The following MICAL2 variants were observed in gnomAD, a reference collection of about 807,000 sequenced individuals.
MICAL2 encodes [F-actin]-monooxygenase MICAL2.
MICAL2 carries 77 observed loss-of-function variants against 127.3 expected under a neutral mutation model. That is an observed-to-expected ratio of 0.60 (90% CI 0.50 to 0.73). The LOEUF (loss-of-function observed/expected upper bound fraction) is 0.73. Ranked by LOEUF, MICAL2 falls within the 30% of genes least tolerant of loss-of-function variation. The probability of loss-of-function intolerance (pLI) is 0.00; values close to 1 mark genes in which losing one functional copy is unlikely to be tolerated. For missense variants in MICAL2, 1,351 were observed against 1,434.4 expected (o/e 0.94, Z 0.94); for synonymous variants, 570 against 551.1 (o/e 1.03, Z -0.48).
intron 7 of MICAL2, among the ~76,000 whole-genome samples, chr11:12,214,147 G>A (rs1250559253): frequency 6.6e-6 from 1 of 152,120 alleles, no homozygotes; most frequent in Non-Finnish European, 1.5e-5. Flanking sequence ...AATAGGGACG[G>A]CAGAGAAAAA....
intron 2 of MICAL2, among the ~76,000 whole-genome samples, chr11:12,286,689 T>G (rs1203856897): frequency 1.3e-5 from 2 of 151,996 alleles, no homozygotes; most frequent in Non-Finnish European, 2.9e-5. Context: ...GGCAACACAG[T>G]GGGACCCTGT....
chr11:12,227,181 G>T (rs1857588579), intron 15 of MICAL2, 50 bp downstream of exon 15: 2 of 1,310,896 alleles, frequency 1.5e-6, no homozygotes, highest in South Asian at 2.4e-5. Context: ...CATGGACGGG[G>T]TATGAGGAAC....
At chr11:12,150,260 A>C (rs1002145877) in intron 2 of MICAL2, among the ~76,000 whole-genome samples, 3 of 152,226 alleles carry the variant, frequency 2.0e-5, no homozygotes, top group Admixed American at 2.0e-4. Context: ...AGAAACAAAA[A>C]TAAACTTTTG....
chr11:12,233,685 G>T (rs1039505207), intron 15 of MICAL2, among the ~76,000 whole-genome samples: 1 of 152,144 alleles, frequency 6.6e-6, no homozygotes, highest in Non-Finnish European at 1.5e-5. Context: ...TGATAAGAAA[G>T]TATTCTTAGG....
chr11:12,289,492 A>G (rs1011976757), downstream of MICAL2, among the ~76,000 whole-genome samples: 13 of 151,414 alleles, frequency 8.6e-5, no homozygotes, highest in African/African-American at 2.9e-4. Context: ...TGGGAAACTA[A>G]TGGAGTTCAT....
downstream of MICAL2, among the ~76,000 whole-genome samples, chr11:12,287,874 C>T (rs900297072): frequency 6.6e-6 from 1 of 152,188 alleles, no homozygotes; most frequent in Non-Finnish European, 1.5e-5. Flanking sequence ...TCATCCAGTT[C>T]CAGGCTCATC....
At chr11:12,111,294 G>T (rs955831671) in intron 1 of MICAL2, among the ~76,000 whole-genome samples, 1 of 152,174 alleles carries the variant, frequency 6.6e-6, no homozygotes, top group Admixed American at 6.5e-5. Flanking sequence ...GGTCCGAGGG[G>T]CCGCGGCACT....
At chr11:12,332,968 C>T (rs1032426915) in intron 32 of MICAL2, among the ~76,000 whole-genome samples, 10 of 152,090 alleles carry the variant, frequency 6.6e-5, no homozygotes, top group Non-Finnish European at 1.0e-4. Flanking sequence ...CAACAAATAC[C>T]GACAGTCCGC....
intron 32 of MICAL2, among the ~76,000 whole-genome samples, chr11:12,340,671 T>C (rs1251577686): frequency 6.6e-6 from 1 of 152,210 alleles, no homozygotes; most frequent in East Asian, 1.9e-4. Context: ...ATTTGTGGTA[T>C]AGTCATACAA....
intron 1 of MICAL2, among the ~76,000 whole-genome samples, chr11:12,134,685 C>A (rs1851698151): frequency 6.6e-6 from 1 of 152,154 alleles, no homozygotes; most frequent in Non-Finnish European, 1.5e-5. Flanking sequence ...GCACAGAAAC[C>A]AAACTTGAAT....
intron 3 of MICAL2, among the ~76,000 whole-genome samples, chr11:12,174,581 A>G (rs1389006199): frequency 6.6e-6 from 1 of 151,414 alleles, no homozygotes; most frequent in Non-Finnish European, 1.5e-5. Context: ...CCATTCATCC[A>G]GTGAGGAACC....
intron 3 of MICAL2, among the ~76,000 whole-genome samples, chr11:12,192,165 C>G (rs577836396): frequency 1.5e-3 from 165 of 108,810 alleles, no homozygotes; most frequent in African/African-American, 5.9e-3. Context: ...CTATCTGGCC[C>G]TTTATAGAAA....
At chr11:12,325,895 G>A (rs1273754933) in intron 31 of MICAL2, among the ~76,000 whole-genome samples, 2 of 152,192 alleles carry the variant, frequency 1.3e-5, no homozygotes, top group South Asian at 2.1e-4. Flanking sequence ...CCTTTCTTTA[G>A]CAATTCTACA....
At chr11:12,201,491 C>G (rs1358934969) in intron 3 of MICAL2, among the ~76,000 whole-genome samples, 1 of 151,624 alleles carries the variant, frequency 6.6e-6, no homozygotes, top group Non-Finnish European at 1.5e-5. Context: ...GGTGCGCATT[C>G]CCTTGCCTGA....
At chr11:12,317,815 T>C (rs1168448116) in intron 29 of MICAL2, among the ~76,000 whole-genome samples, 2 of 149,086 alleles carry the variant, frequency 1.3e-5, no homozygotes, top group East Asian at 2.0e-4. Flanking sequence ...AGTACTAGAA[T>C]GGTTGGTTCT....
intron 1 of MICAL2, among the ~76,000 whole-genome samples, chr11:12,115,467 A>C (rs1849930091): frequency 6.6e-6 from 1 of 152,066 alleles, no homozygotes; most frequent in Non-Finnish European, 1.5e-5. Flanking sequence ...TTTTTAACAC[A>C]GACAGGCTTT....
At chr11:12,337,541 A>T (rs1343421321) in intron 32 of MICAL2, among the ~76,000 whole-genome samples, 1 of 151,682 alleles carries the variant, frequency 6.6e-6, no homozygotes, top group Non-Finnish European at 1.5e-5. Flanking sequence ...TTTAATTGTG[A>T]TGTTAGGGTG....
chr11:12,312,941 C>T lies in MICAL2; in HGVS notation c.5213-6755C>T, dbSNP rs1391804553. Reference sequence around the variant, plus strand: ...CAGCACTTTGGGAGGCCGAGATGGGCGGATCACAAGGTCAGGAGATCGAGA... The same window carrying T: ...CAGCACTTTGGGAGGCCGAGATGGGTGGATCACAAGGTCAGGAGATCGAGA... On this transcript the variant is annotated intron_variant, in intron 29 of 34. Transcript: ENST00000646065. 7.9e-5 allele frequency among the ~76,000 whole-genome samples: 12 copies of T among 151,954 alleles called. No individual in the cohort carries two copies. The East Asian group carries it at 1.9e-3, about 25-fold the overall frequency.
intron 22 of MICAL2, chr11:12,254,099 T>C (rs1861966381): frequency 6.6e-6 from 1 of 152,176 alleles, no homozygotes; most frequent in South Asian, 2.1e-4. Flanking sequence ...TTAGGATCTC[T>C]GCATCAGATG....
Sources: gnomAD v4.1 joint callset for allele counts (sites outside exome capture counted in the v4.1 genomes callset) on GRCh38, gnomAD v4.1.1 for gene constraint, MANE v1.5 for transcripts, NCBI Gene and HGNC (gene_info 2026-07-23, HGNC 2026-07-21) for gene names.